The following MEMO1 variants were observed in gnomAD, a reference collection of about 807,000 sequenced individuals.
MEMO1 encodes mediator of cell motility 1.
A neutral mutation model predicts 45.2 loss-of-function variants in MEMO1; 6 were observed. That is an observed-to-expected ratio of 0.13 (90% CI 0.07 to 0.26). The LOEUF (loss-of-function observed/expected upper bound fraction) is 0.26. Ranked by LOEUF, MEMO1 falls within the 10% of genes least tolerant of loss-of-function variation. The pLI is 1.00. For synonymous variants in MEMO1, 78 were observed against 124.3 expected, an observed-to-expected ratio of 0.63 and a Z score of 2.48; for missense variants, 184 against 370.5, an observed-to-expected ratio of 0.50 and a Z score of 4.13.
intron 2 of MEMO1, among the ~76,000 whole-genome samples, chr2:32,000,916 C>T (rs1182627540): frequency 6.6e-6 from 1 of 152,076 alleles, no homozygotes; most frequent in Non-Finnish European, 1.5e-5. Flanking sequence ...TCTGTTTCAT[C>T]CCCTGCTATA....
chr2:31,892,203 G>A, intron 6 of MEMO1, 69 bp from the exon 7 acceptor site: 1 of 1,382,330 alleles, frequency 7.2e-7, no homozygotes, highest in Non-Finnish European at 1.0e-6. Context: ...AAATGTGTTG[G>A]CATTAGAAAG....
intron 6 of MEMO1, among the ~76,000 whole-genome samples, chr2:31,896,578 A>G (rs1032084771): frequency 3.3e-5 from 5 of 152,236 alleles, no homozygotes; most frequent in African/African-American, 7.2e-5. Context: ...CAAGAACGAA[A>G]CAAAGGAAAA....
intron 6 of MEMO1, among the ~76,000 whole-genome samples, chr2:31,911,747 C>T (rs530281312): frequency 6.6e-6 from 1 of 152,024 alleles, no homozygotes; most frequent in African/African-American, 2.4e-5. Flanking sequence ...CTGAAGTAAT[C>T]CTCCCACCTC....
At chr2:31,977,207 T>TA (rs529079687) in intron 2 of MEMO1, among the ~76,000 whole-genome samples, 1 of 152,150 alleles carries the variant, frequency 6.6e-6, no homozygotes, top group Non-Finnish European at 1.5e-5. Flanking sequence ...AAAACCTGCA[T>TA]AGTTGAGAAA....
chr2:31,904,958 G>A (rs1014374767), intron 6 of MEMO1, among the ~76,000 whole-genome samples: 1 of 152,204 alleles, frequency 6.6e-6, no homozygotes, highest in Non-Finnish European at 1.5e-5. Context: ...AACAGGCTGG[G>A]CGCAATGGCT....
chr2:31,952,497 C>T (rs1666953277), intron 2 of MEMO1, among the ~76,000 whole-genome samples: 1 of 152,166 alleles, frequency 6.6e-6, no homozygotes, highest in Non-Finnish European at 1.5e-5. Context: ...TCACAGTATA[C>T]TTATTCCAGT....
At chr2:31,990,331 G>A (rs1572909489) in intron 2 of MEMO1, among the ~76,000 whole-genome samples, 1 of 152,244 alleles carries the variant, frequency 6.6e-6, no homozygotes, top group South Asian at 2.1e-4. Context: ...CCGAAAGATA[G>A]TTATTTTCAT....
chr2:31,907,818 C>CACACACAT (rs1361419683), intron 6 of MEMO1, among the ~76,000 whole-genome samples: 1 of 150,132 alleles, frequency 6.7e-6, no homozygotes, highest in South Asian at 2.1e-4. Context: ...CACACACACA[C>CACACACAT]ACATACACAC....
chr2:31,901,007 G>T (rs531924884), intron 6 of MEMO1, among the ~76,000 whole-genome samples: 41 of 152,202 alleles, frequency 2.7e-4, no homozygotes, highest in Non-Finnish European at 3.2e-4. Context: ...AACTGGAAAT[G>T]TTCAATAGTT....
chr2:31,960,330 C>T (rs1667871106), intron 2 of MEMO1, among the ~76,000 whole-genome samples: 1 of 152,012 alleles, frequency 6.6e-6, no homozygotes, highest in Non-Finnish European at 1.5e-5. Context: ...ATTAAAAATA[C>T]TAGCATTTGG....
intron 7 of MEMO1, among the ~76,000 whole-genome samples, chr2:31,887,151 T>C (rs1044406784): frequency 8.5e-5 from 13 of 152,076 alleles, no homozygotes; most frequent in Admixed American, 2.6e-4. Flanking sequence ...GATTAATGAG[T>C]GGATTCACAG....
chr2:32,007,549 C>CA (rs3835884), intron 2 of MEMO1, among the ~76,000 whole-genome samples: 22,771 of 152,116 alleles, frequency 0.15, 1,944 homozygotes, highest in African/African-American at 0.22. Flanking sequence ...TGTACACACA[C>CA]TTTTTTTCTG....
At chr2:31,894,912 G>A (rs967462335) in intron 6 of MEMO1, among the ~76,000 whole-genome samples, 1 of 152,104 alleles carries the variant, frequency 6.6e-6, no homozygotes, top group Admixed American at 6.5e-5. Context: ...CCCAGCAGAG[G>A]GTGAAAGTCT....
Position 31,870,622 on chromosome 2 carries a change from G to A in MEMO1, c.658-670C>T, listed in dbSNP as rs560072596. On this transcript the variant is annotated intron_variant, in intron 8 of 9. Transcript: ENST00000404530. ...GATGGAGTCTTGCTCCATCACCCAGGCTGGAGTGCAGTGGTGCGATCTCAG... is the reference window on the plus strand; with the variant it reads ...GATGGAGTCTTGCTCCATCACCCAGACTGGAGTGCAGTGGTGCGATCTCAG... Among the ~76,000 whole-genome samples, 3 of 152,264 alleles carry A rather than the reference G, an allele frequency of 2.0e-5. No homozygotes were observed. The East Asian group carries it at 5.8e-4, about 29-fold the overall frequency.
chr2:31,890,777 A>G (rs984296796), intron 7 of MEMO1, among the ~76,000 whole-genome samples: 2 of 152,126 alleles, frequency 1.3e-5, no homozygotes, highest in Admixed American at 1.3e-4. Context: ...ATGTTTATTT[A>G]GCAGCTACCC....
chr2:31,954,077 A>C (rs180933226), intron 2 of MEMO1, among the ~76,000 whole-genome samples: 151 of 152,320 alleles, frequency 9.9e-4, no homozygotes, highest in African/African-American at 3.3e-3. Context: ...ATGATTGTTG[A>C]GTCTTCTTGC....
chr2:31,965,293 AAGGGAAGG>A lies in MEMO1; in HGVS notation c.62-21918_62-21911del, dbSNP rs552449605. Among the ~76,000 whole-genome samples, 657 of 95,924 alleles carry A rather than the reference AAGGGAAGG, an allele frequency of 6.8e-3. 8 individuals carry two copies. The highest frequency in any genetic ancestry group is 0.022 in the African/African-American group (616 of 28,174). 62.9% of individuals were successfully genotyped at this position (95,924 alleles called of 152,430 possible). On this transcript the variant is annotated intron_variant, in intron 2 of 9. Coordinates refer to ENST00000404530, the MANE Select transcript of MEMO1 (RefSeq NM_001301833.4). ...GGAAGGGAAGAGAAGGGAAGGGAAGAAGGGAAGGAGGGAAGGAGGGACGGAGGGAGGAA... is the reference window on the plus strand; with the variant it reads ...GGAAGGGAAGAGAAGGGAAGGGAAGAAGGGAAGGAGGGACGGAGGGAGGAA...
intron 2 of MEMO1, among the ~76,000 whole-genome samples, chr2:31,960,947 T>C (rs1667942826): frequency 6.6e-6 from 1 of 152,170 alleles, no homozygotes; most frequent in Non-Finnish European, 1.5e-5. Context: ...AGGACCAAAT[T>C]TTTTTAGTCT....
intron 2 of MEMO1, 31 bp from the exon 3 acceptor site, chr2:31,943,414 A>T (rs377570035): frequency 2.0e-6 from 3 of 1,521,520 alleles, no homozygotes; most frequent in Non-Finnish European, 2.7e-6. Flanking sequence ...AATTAGAGTC[A>T]GCAAAGCAAT....
Sources: allele counts gnomAD v4.1 joint callset (sites outside exome capture counted in the v4.1 genomes callset), GRCh38; gene constraint gnomAD v4.1.1; transcripts MANE v1.5; gene names NCBI Gene and HGNC (gene_info 2026-07-23, HGNC 2026-07-21).